HIP1R: variants seen among roughly 807,000 people sequenced by gnomAD.
HIP1R encodes the protein huntingtin-interacting protein 1-related protein.
HIP1R carries 135 observed loss-of-function variants against 144.2 expected under a neutral mutation model. The ratio of observed to expected loss-of-function variants is 0.94; its 90% CI spans 0.81 to 1.08. HIP1R has a LOEUF of 1.08. Among genes scored for constraint, HIP1R ranks in the 50% least tolerant of loss-of-function variants. The pLI is 0.00. For missense variants in HIP1R, 1,462 were observed against 1,432.8 expected (o/e 1.02, Z -0.33); for synonymous variants, 698 against 612.8 (o/e 1.14, Z -2.05).
At chr12:122,855,950 C>T (rs554979296) in intron 13 of HIP1R, 30 bp from the exon 14 acceptor site, 3 of 1,570,744 alleles carry the variant, frequency 1.9e-6, no homozygotes, top group Admixed American at 3.8e-5. Context: ...ACGGCCCAGG[C>T]AGGGCCCCAC....
At position 122,861,804 on chromosome 12, in the gene HIP1R, A is replaced by G. The variant is rs755123677; in HGVS notation, c.*51A>G. On this transcript the variant is annotated 3_prime_UTR_variant, in exon 32 of 32. Transcript: ENST00000253083. ...CTGGTGACAGGCCTGGGCCTCTGCAACTGCCCTGACAGGACCGAGAGGCCT... is the reference window on the plus strand; with the variant it reads ...CTGGTGACAGGCCTGGGCCTCTGCAGCTGCCCTGACAGGACCGAGAGGCCT... 6.4e-7 allele frequency: 1 copy of G among 1,569,326 alleles called. No homozygotes were observed. Among genetic ancestry groups the G allele is most frequent in the South Asian group, 1.1e-5 (1 of 89,870 alleles).
intron 17 of HIP1R, 51 bp downstream of exon 17, chr12:122,856,777 TG>T: frequency 2.1e-6 from 3 of 1,448,254 alleles, no homozygotes; most frequent in Non-Finnish European, 2.8e-6. Context: ...CAGTCCTGGG[TG>T]GAAGTCAGGT....
intron 7 of HIP1R, among the ~76,000 whole-genome samples, chr12:122,853,147 G>C (rs115372896): frequency 0.035 from 5,313 of 152,216 alleles, 314 homozygotes; most frequent in African/African-American, 0.12. Flanking sequence ...GAAGCTGCCA[G>C]CCAAGGAGGA....
Position 122,851,136 on chromosome 12 carries a change from G to A in HIP1R, c.516-100G>A, listed in dbSNP as rs564760418. 2.8e-6 allele frequency: 3 copies of A among 1,074,188 alleles called. No individual in the cohort carries two copies. In the East Asian group the frequency reaches 8.2e-5, roughly 29 times the overall value. The allele number at this position is 1,074,188 out of a possible 1,614,324, so 66.5% of individuals were successfully genotyped here. On this transcript the variant is annotated intron_variant, in intron 6 of 31. Transcript: ENST00000253083. Reference sequence around the variant, plus strand: ...GGCACGCTGTCTCACCAGAGCCATGGTGTCGGCGGTGCCCCCGTCCCCACT... The same window carrying A: ...GGCACGCTGTCTCACCAGAGCCATGATGTCGGCGGTGCCCCCGTCCCCACT...
rs368700522 is a variant in HIP1R at position 122,849,588 on chromosome 12, G to A, written c.358-287G>A. ...GATGTGTCCAGGCGCCCGTCGGGACGTGCCTCCCTGCCAGCACCAGCACTT... is the reference window on the plus strand; with the variant it reads ...GATGTGTCCAGGCGCCCGTCGGGACATGCCTCCCTGCCAGCACCAGCACTT... On this transcript the variant is annotated intron_variant, in intron 4 of 31. Coordinates refer to ENST00000253083, the MANE Select transcript of HIP1R (RefSeq NM_003959.3). Among the ~76,000 whole-genome samples the A allele has an allele frequency of 2.3e-4, 35 of 152,384 alleles. No individual in the cohort carries two copies. The South Asian group carries it at 7.2e-3, about 32-fold the overall frequency.
rs2033035763 is a variant in HIP1R at position 122,840,806 on chromosome 12, C to CA, written c.93+5164dup. 6.6e-6 allele frequency among the ~76,000 whole-genome samples: 1 copy of CA among 152,148 alleles called. No homozygotes were observed. The highest frequency in any genetic ancestry group is 1.5e-5 in the Non-Finnish European group (1 of 68,030). ...GAGGTGCCACATTATGAAGGCTCTC[C>CA]AGGGTTGGGAGGATATTCTGGGGGA... On this transcript the variant is annotated intron_variant, in intron 1 of 31. Transcript: ENST00000253083. This position sits in a 1 kb window ranked among gnomAD's most constrained non-coding sequence, Gnocchi z 4.2.
chr12:122,857,716 C>G (rs1277867916), intron 18 of HIP1R: 1 of 266,850 alleles, frequency 3.7e-6, no homozygotes, highest in African/African-American at 2.2e-5. Context: ...ATGAATGTTC[C>G]AGTTTCTCCA....
intron 4 of HIP1R, 58 bp downstream of exon 4, chr12:122,848,910 G>C: frequency 6.4e-7 from 1 of 1,565,516 alleles, no homozygotes; most frequent in Non-Finnish European, 8.8e-7. Context: ...AGCGTGTGGG[G>C]CTGAGCGAAG....
intron 7 of HIP1R, 106 bp downstream of exon 7, chr12:122,851,403 A>G: frequency 1.1e-6 from 1 of 933,204 alleles, no homozygotes; most frequent in Non-Finnish European, 1.5e-6. Context: ...ACTGATCACT[A>G]TGAAATGACC....
rs543780758 is a variant in HIP1R, at chr12:122,861,698, C to T, written c.3160-8C>T. 3.1e-6 allele frequency: 5 copies of T among 1,614,100 alleles called. No homozygotes were observed. The highest frequency in any genetic ancestry group is 3.3e-5 in the Admixed American group (2 of 60,006). Reference sequence around the variant, plus strand: ...TGACCACTGACCCCCCACCTTTAACCCCTGCAGCTTGACAAAAAGGATGGC... The same window carrying T: ...TGACCACTGACCCCCCACCTTTAACTCCTGCAGCTTGACAAAAAGGATGGC... On this transcript the variant is annotated splice_polypyrimidine_tract_variant and splice_region_variant and intron_variant, in intron 31 of 31. Transcript: ENST00000253083.
At position 122,835,789 on chromosome 12, in the gene HIP1R, C is replaced by T. The variant is rs867132463; in HGVS notation, c.93+146C>T. On this transcript the variant is annotated intron_variant, in intron 1 of 31. Transcript: ENST00000253083. Reference sequence around the variant, plus strand: ...CGCGGGGGCAGGGCCTGTGTCCGCCCGGGCTCTCCGAGAGCTCCGCTGCCG... The same window carrying T: ...CGCGGGGGCAGGGCCTGTGTCCGCCTGGGCTCTCCGAGAGCTCCGCTGCCG... The T allele has an allele frequency of 3.8e-4, 155 of 406,954 alleles. 1 individual carries two copies. Among genetic ancestry groups the T allele is most frequent in the African/African-American group, 3.0e-3 (139 of 46,326 alleles). The allele number at this position is 406,954 out of a possible 1,614,324, so 25.2% of individuals were successfully genotyped here. A position where few individuals can be genotyped will look rare whatever the true frequency, so the allele number is the denominator to read the frequency against.
At position 122,849,963 on chromosome 12, in the gene HIP1R, C is replaced by T. The variant is rs772438231; in HGVS notation, c.438+8C>T. Reference sequence around the variant, plus strand: ...ATCTCCTTCCACCTCAAGGTGGTTTCCTCGGGGGAGTCATGGGGCTGAGGG... The same window carrying T: ...ATCTCCTTCCACCTCAAGGTGGTTTTCTCGGGGGAGTCATGGGGCTGAGGG... On this transcript the variant is annotated splice_region_variant and intron_variant, in intron 5 of 31. Coordinates refer to ENST00000253083, the MANE Select transcript of HIP1R (RefSeq NM_003959.3). The T allele has an allele frequency of 3.7e-6, 6 of 1,605,530 alleles. No individual in the cohort carries two copies. Among genetic ancestry groups the T allele is most frequent in the South Asian group, 2.2e-5 (2 of 90,954 alleles).
intron 26 of HIP1R, 90 bp downstream of exon 26, chr12:122,860,300 C>A: frequency 6.5e-7 from 1 of 1,539,540 alleles, no homozygotes; most frequent in Non-Finnish European, 8.8e-7. Flanking sequence ...CACCCCCTAC[C>A]ACAGGGAGGC....
At chr12:122,842,625 G>A (rs192092216) in intron 1 of HIP1R, among the ~76,000 whole-genome samples, 2 of 152,342 alleles carry the variant, frequency 1.3e-5, no homozygotes, top group Non-Finnish European at 2.9e-5. Flanking sequence ...GGGTGCCGCG[G>A]GGTTGGCGTG....
chr12:122,845,090 A>T (rs968222749), intron 1 of HIP1R, among the ~76,000 whole-genome samples: 1 of 152,246 alleles, frequency 6.6e-6, no homozygotes, highest in African/African-American at 2.4e-5. Flanking sequence ...TAAGCCTCAG[A>T]GCGGAGCTGC....
chr12:122,860,860 C>T (rs986745655), intron 28 of HIP1R, 56 bp from the exon 29 acceptor site: 2 of 1,596,274 alleles, frequency 1.3e-6, no homozygotes, highest in South Asian at 1.1e-5. Flanking sequence ...CAAGCCCAGG[C>T]CTGCTGCTGC....
At chr12:122,853,845 G>T (rs1455549352) in intron 7 of HIP1R, 198 bp from the exon 8 acceptor site, 1 of 552,084 alleles carries the variant, frequency 1.8e-6, no homozygotes, top group Non-Finnish European at 3.1e-6. Flanking sequence ...TGACCTTGTT[G>T]TTGCCGTTGA....
chr12:122,860,476 C>T lies in HIP1R; in HGVS notation c.2613C>T (p.Gly871=), dbSNP rs375491651. The change falls in exon 27 of 32, where the codon GGC becomes GGT. Residue 871 remains glycine, a synonymous_variant. Coordinates refer to ENST00000253083, the MANE Select transcript of HIP1R (RefSeq NM_003959.3). ...FYAKNSRWTE[G]LISASKAVGW... is the part of the protein sequence containing the mutation. ...CCAAGAACTCGCGCTGGACCGAAGG[C>T]CTCATCTCGGCCTCCAAGGCTGTGG... 7 of 1,613,356 alleles carry T rather than the reference C, an allele frequency of 4.3e-6. No individual in the cohort carries two copies. Among genetic ancestry groups the T allele is most frequent in the Non-Finnish European group, 5.9e-6 (7 of 1,180,002 alleles).
chr12:122,844,338 G>A (rs2033148305), intron 1 of HIP1R, among the ~76,000 whole-genome samples: 1 of 151,972 alleles, frequency 6.6e-6, no homozygotes, highest in Non-Finnish European at 1.5e-5. Context: ...GTCTTGCTAG[G>A]CTGGCCTTGA....
Sources: gnomAD v4.1 joint callset for allele counts (sites outside exome capture counted in the v4.1 genomes callset) on GRCh38, gnomAD v4.1.1 for gene constraint, Gnocchi (gnomAD v3.1) non-coding constraint, MANE v1.5 for transcripts, NCBI Gene and HGNC (gene_info 2026-07-23, HGNC 2026-07-21) for gene names.